ANKS1B: variants seen among roughly 807,000 people sequenced by gnomAD.
ANKS1B encodes ankyrin repeat and sterile alpha motif domain-containing protein 1B.
In ANKS1B, 36 loss-of-function variants were observed where a neutral mutation model predicts 148.3. The ratio of observed to expected loss-of-function variants is 0.24; its 90% CI spans 0.19 to 0.32. The LOEUF (loss-of-function observed/expected upper bound fraction) is 0.32, where lower values mean the gene tolerates loss of function less well. Ranked by LOEUF, ANKS1B falls within the 10% of genes least tolerant of loss-of-function variation. The pLI is 1.00. For synonymous variants in ANKS1B, 542 were observed against 560.8 expected (o/e 0.97, Z 0.47); for missense variants, 1,157 against 1,542.6 (o/e 0.75, Z 4.19).
intron 17 of ANKS1B, among the ~76,000 whole-genome samples, chr12:98,874,732 A>G (rs987101940): frequency 1.3e-5 from 2 of 152,220 alleles, no homozygotes; most frequent in African/African-American, 4.8e-5. Context: ...TTAGAAAAGT[A>G]AATATATTTG....
intron 15 of ANKS1B, among the ~76,000 whole-genome samples, chr12:99,111,676 G>T (rs947686369): frequency 2.0e-5 from 3 of 152,116 alleles, no homozygotes; most frequent in South Asian, 2.1e-4. Flanking sequence ...TTGATTAAGG[G>T]TTAGCAATTT....
intron 10 of ANKS1B, among the ~76,000 whole-genome samples, chr12:99,474,860 A>G (rs555066622): frequency 3.7e-4 from 57 of 152,204 alleles, no homozygotes; most frequent in African/African-American, 1.3e-3. Flanking sequence ...GGGAAATTAA[A>G]TAATTACTAT....
In ANKS1B at chr12:98,985,471, AG is replaced by A. The variant is rs199772084; in HGVS notation, c.2778+67685del. On this transcript the variant is annotated intron_variant, in intron 17 of 26. Coordinates refer to ENST00000683438, the MANE Select transcript of ANKS1B (RefSeq NM_001352186.2). ...TTCCTTATTCCTGCGTTTTTTGATA[AG>A]TATTTTTATGATTACATTTTATTTT... 9.0e-3 allele frequency among the ~76,000 whole-genome samples: 1,360 copies of A among 151,906 alleles called. 20 individuals are homozygous for A. The highest frequency in any genetic ancestry group is 0.031 in the African/African-American group (1,296 of 41,448).
chr12:99,717,606 G>C (rs1371508485), intron 8 of ANKS1B, among the ~76,000 whole-genome samples: 1 of 152,178 alleles, frequency 6.6e-6, no homozygotes, highest in Non-Finnish European at 1.5e-5. Flanking sequence ...TGGAACTCTG[G>C]CCCAAGGCTC....
intron 1 of ANKS1B, among the ~76,000 whole-genome samples, chr12:99,972,342 C>T (rs979814432): frequency 6.6e-6 from 1 of 152,160 alleles, no homozygotes; most frequent in Admixed American, 6.5e-5. Flanking sequence ...GTTAGCCAAG[C>T]TGCAAATGCA....
Position 98,902,154 on chromosome 12 carries a change from C to T in ANKS1B, c.2779-70018G>A, listed in dbSNP as rs2152781045. 2.0e-5 allele frequency among the ~76,000 whole-genome samples: 3 copies of T among 152,288 alleles called. 1 individual carries two copies. The Middle Eastern group carries it at 0.01, about 518-fold the overall frequency. ...AATATAAACACTGAGACCCATCTGC[C>T]CCAGTCTTCTGAATTAAAACCTAGG... On this transcript the variant is annotated intron_variant, in intron 17 of 26. Transcript: ENST00000683438.
intron 17 of ANKS1B, among the ~76,000 whole-genome samples, chr12:98,973,179 G>C (rs891796889): frequency 5.3e-5 from 8 of 149,636 alleles, no homozygotes; most frequent in Admixed American, 2.7e-4. Flanking sequence ...TGTAAGTTGG[G>C]TATTATTACA....
intron 17 of ANKS1B, among the ~76,000 whole-genome samples, chr12:98,847,483 A>G (rs1358885141): frequency 6.6e-6 from 1 of 152,182 alleles, no homozygotes. Context: ...GTATGTATAC[A>G]CTACATTTTC....
chr12:99,245,076 A>G (rs1318143449), intron 13 of ANKS1B, among the ~76,000 whole-genome samples: 1 of 152,108 alleles, frequency 6.6e-6, no homozygotes, highest in Non-Finnish European at 1.5e-5. Flanking sequence ...GATGTTTCTG[A>G]ACTCCTGGCC....
At chr12:99,813,433 C>G (rs1231319111) in intron 2 of ANKS1B, among the ~76,000 whole-genome samples, 1 of 150,902 alleles carries the variant, frequency 6.6e-6, no homozygotes, top group Non-Finnish European at 1.5e-5. Context: ...TTACATACAA[C>G]AAATCACTAA....
intron 17 of ANKS1B, among the ~76,000 whole-genome samples, chr12:99,046,760 A>AT: frequency 6.7e-6 from 1 of 149,516 alleles, no homozygotes; most frequent in East Asian, 2.0e-4. Context: ...GATTGCAGAG[A>AT]TTGTGCCACT....
At chr12:99,167,981 A>T (rs1481154670) in intron 14 of ANKS1B, among the ~76,000 whole-genome samples, 1 of 152,222 alleles carries the variant, frequency 6.6e-6, no homozygotes, top group Non-Finnish European at 1.5e-5. Context: ...ATTTATATAA[A>T]GTTCTAGAGA....
At position 98,769,003 on chromosome 12, in the gene ANKS1B, T is replaced by C. The variant is rs547808479; in HGVS notation, c.3579+4039A>G. ...ACATCACTGAATTTTCTTGATGATATCAGATAAAAACATGGGATATGTGAT... is the reference window on the plus strand; with the variant it reads ...ACATCACTGAATTTTCTTGATGATACCAGATAAAAACATGGGATATGTGAT... On this transcript the variant is annotated intron_variant, in intron 25 of 26. Transcript: ENST00000683438. 3.8e-4 allele frequency among the ~76,000 whole-genome samples: 58 copies of C among 152,132 alleles called. No homozygotes were observed. The South Asian group carries it at 0.012, about 31-fold the overall frequency.
chr12:98,813,405 G>A (rs1316761702), intron 19 of ANKS1B, among the ~76,000 whole-genome samples: 1 of 150,942 alleles, frequency 6.6e-6, no homozygotes, highest in Non-Finnish European at 1.5e-5. Flanking sequence ...TGTGTAGAGA[G>A]GAGGTCTTGC....
At chr12:99,827,337 GA>G (rs1038904468) in intron 1 of ANKS1B, among the ~76,000 whole-genome samples, 2 of 151,260 alleles carry the variant, frequency 1.3e-5, no homozygotes, top group South Asian at 2.1e-4. Flanking sequence ...TACGGAATCT[GA>G]AAAAAAATCA....
rs142417605 is a variant in ANKS1B at position 98,770,784 on chromosome 12, T to C, written c.3579+2258A>G. On this transcript the variant is annotated intron_variant, in intron 25 of 26. Coordinates refer to ENST00000683438, the MANE Select transcript of ANKS1B (RefSeq NM_001352186.2). ...TTGGATTACAGTTGGCCTTGGCCTA[T>C]AGGTGTTCATCAGAACTGGAAAACA... 3.0e-3 allele frequency among the ~76,000 whole-genome samples: 457 copies of C among 152,350 alleles called. 2 individuals are homozygous for C. Among genetic ancestry groups the C allele is most frequent in the African/African-American group, 9.9e-3 (411 of 41,582 alleles).
intron 17 of ANKS1B, among the ~76,000 whole-genome samples, chr12:98,976,142 G>A (rs180939589): frequency 3.9e-5 from 6 of 152,306 alleles, no homozygotes; most frequent in East Asian, 3.9e-4. Context: ...GATTCATCTC[G>A]TGTTAATAAA....
chr12:99,347,742 G>A lies in ANKS1B; in HGVS notation c.1756+51889C>T, dbSNP rs373696079. Among the ~76,000 whole-genome samples, 114 of 151,846 alleles carry A rather than the reference G, an allele frequency of 7.5e-4. 2 individuals carry two copies. The South Asian group carries it at 0.021, about 28-fold the overall frequency. ...CAAAAACTTGGGGACAAGAAGAATCGGATTTCCAGTTACTATAATATTTAA... is the reference window on the plus strand; with the variant it reads ...CAAAAACTTGGGGACAAGAAGAATCAGATTTCCAGTTACTATAATATTTAA... On this transcript the variant is annotated intron_variant, in intron 12 of 26. Coordinates refer to ENST00000683438, the MANE Select transcript of ANKS1B (RefSeq NM_001352186.2).
intron 9 of ANKS1B, among the ~76,000 whole-genome samples, chr12:99,533,397 AC>A (rs1320338160): frequency 1.3e-5 from 2 of 152,132 alleles, no homozygotes; most frequent in Non-Finnish European, 2.9e-5. Context: ...GTAATCTGAG[AC>A]TTTAGTGAAT....
Sources: allele counts gnomAD v4.1 joint callset (sites outside exome capture counted in the v4.1 genomes callset), GRCh38; gene constraint gnomAD v4.1.1; transcripts MANE v1.5; gene names NCBI Gene and HGNC (gene_info 2026-07-23, HGNC 2026-07-21).